NKD1: variants seen among roughly 807,000 people sequenced by gnomAD.
The protein encoded by NKD1 is protein naked cuticle homolog 1.
Under a neutral mutation model 56.0 loss-of-function variants are expected in NKD1, and 21 were observed. The ratio of observed to expected loss-of-function variants is 0.38; its 90% CI spans 0.27 to 0.54. NKD1 has a LOEUF of 0.54. NKD1 is among the 20% of genes least tolerant of loss of function. The probability of loss-of-function intolerance (pLI) is 0.82; values close to 1 mark genes in which losing one functional copy is unlikely to be tolerated. For missense variants in NKD1, 578 were observed against 642.7 expected (o/e 0.90, Z 1.09); for synonymous variants, 263 against 265.7 (o/e 0.99, Z 0.10).
At position 50,635,387 on chromosome 16, in the gene NKD1, T is replaced by A. The variant is rs1200349400; in HGVS notation, c.*1606T>A. On this transcript the variant is annotated 3_prime_UTR_variant, in exon 10 of 10. Coordinates refer to ENST00000268459, the MANE Select transcript of NKD1 (RefSeq NM_033119.5). The surrounding 1 kb of genome is among the most constrained non-coding windows in gnomAD (Gnocchi z 4.1). ...GGCCAAGGGAGCTTGTTGATGTGGG[T>A]CACACGGGCATGTTCCCAGGTCAGA... is the stretch of plus-strand genomic sequence containing the variant. 2 of 152,174 alleles carry A rather than the reference T, an allele frequency of 1.3e-5. No individual in the cohort carries two copies. The highest frequency in any genetic ancestry group is 4.8e-5 in the African/African-American group (2 of 41,410). 9.4% of individuals were successfully genotyped at this position (152,174 alleles called of 1,614,324 possible). A position where few individuals can be genotyped will look rare whatever the true frequency, so the allele number is the denominator to read the frequency against.
Position 50,548,712 on chromosome 16 carries a change from T to C in NKD1, c.26-5T>C, listed in dbSNP as rs1960296607. On this transcript the variant is annotated splice_polypyrimidine_tract_variant and splice_region_variant and intron_variant, in intron 1 of 9. Transcript: ENST00000268459. ...CGCCGCCGCCGCCTCGCGATGTGCC[T>C]GCAGCCGCCGTGTGCAAGCGCAGGG... 6.9e-7 allele frequency: 1 copy of C among 1,459,820 alleles called. No individual in the cohort carries two copies. The highest frequency in any genetic ancestry group is 1.5e-5 in the African/African-American group (1 of 67,278). The allele number at this position is 1,459,820 out of a possible 1,614,324, so 90.4% of individuals were successfully genotyped here. A position where few individuals can be genotyped will look rare whatever the true frequency, so the allele number is the denominator to read the frequency against.
rs115133241 is a variant in NKD1 at position 50,633,267 on chromosome 16, C to A, written c.899C>A (p.Pro300Gln). The change falls in exon 10 of 10, where the codon CCG becomes CAG. Residue 300 changes from proline (P) to glutamine (Q), a missense_variant. Pro to Gln is a moderately conservative substitution (Grantham distance 76, BLOSUM62 -1). Coordinates refer to ENST00000268459, the MANE Select transcript of NKD1 (RefSeq NM_033119.5). The surrounding 1 kb of genome is among the most constrained non-coding windows in gnomAD (Gnocchi z 4.9). ...SNPTRSRSHE[P>Q]EAIHIPHRKP... is the part of the protein sequence containing the mutation. ...CCCACTCGATCTCGCTCCCATGAGCCGGAAGCCATCCACATCCCACACCGA... is the reference window on the plus strand; with the variant it reads ...CCCACTCGATCTCGCTCCCATGAGCAGGAAGCCATCCACATCCCACACCGA... 1 of 1,614,158 alleles carries A rather than the reference C, an allele frequency of 6.2e-7. No homozygotes were observed. Among genetic ancestry groups the A allele is most frequent in the East Asian group, 2.2e-5 (1 of 44,886 alleles).
Position 50,641,228 on chromosome 16 carries a change from G to C in NKD1, c.*7447G>C, listed in dbSNP as rs1277979872. The C allele has an allele frequency of 6.6e-6, 1 of 152,272 alleles. No individual in the cohort carries two copies. Among genetic ancestry groups the C allele is most frequent in the Non-Finnish European group, 1.5e-5 (1 of 68,124 alleles). 9.4% of individuals were successfully genotyped at this position (152,272 alleles called of 1,614,324 possible). On this transcript the variant is annotated 3_prime_UTR_variant, in exon 10 of 10. Coordinates refer to ENST00000268459, the MANE Select transcript of NKD1 (RefSeq NM_033119.5). The stretch of plus-strand genomic sequence containing the variant: ...TGTCATGGCCAGTTCAATGGTCGGG[G>C]CTGAACTATGTCTCTTGGTGCCTGG...
chr16:50,595,595 T>C (rs910397624), intron 3 of NKD1, among the ~76,000 whole-genome samples: 1 of 152,108 alleles, frequency 6.6e-6, no homozygotes, highest in African/African-American at 2.4e-5. Flanking sequence ...TACCACTCTC[T>C]TGCCTCCCCT....
chr16:50,578,433 C>T (rs938786654), intron 3 of NKD1, among the ~76,000 whole-genome samples: 1 of 152,152 alleles, frequency 6.6e-6, no homozygotes, highest in Admixed American at 6.5e-5. Context: ...CAGCTTGAGT[C>T]GTTGTTCCCT....
Position 50,647,169 on chromosome 16 carries a change from T to A in NKD1, c.*13388T>A, listed in dbSNP as rs1962697041. 1 of 152,228 alleles carries A rather than the reference T, an allele frequency of 6.6e-6. No homozygotes were observed. The highest frequency in any genetic ancestry group is 2.4e-5 in the African/African-American group (1 of 41,448). The allele number at this position is 152,228 out of a possible 1,614,324, so 9.4% of individuals were successfully genotyped here. On this transcript the variant is annotated 3_prime_UTR_variant, in exon 10 of 10. Transcript: ENST00000268459. ...GTGGTCTCTGTAGTTGACCCCATCA[T>A]CCTTTCTGTCCATAGGTGATTCGTC...
rs1962317947 is a variant in NKD1 at position 50,630,394 on chromosome 16, C to A, written c.610+61C>A. On this transcript the variant is annotated intron_variant, in intron 7 of 9. Coordinates refer to ENST00000268459, the MANE Select transcript of NKD1 (RefSeq NM_033119.5). ...CCTCCCATCTCAGGAAGGAACAGAG[C>A]CTTCCTGGGAGGGCCGGAAGGGAAC... is the stretch of plus-strand genomic sequence containing the variant. 2.5e-6 allele frequency: 4 copies of A among 1,585,406 alleles called. No individual in the cohort carries two copies. In the South Asian group the frequency reaches 4.5e-5, roughly 18 times the overall value.
intron 3 of NKD1, among the ~76,000 whole-genome samples, chr16:50,594,818 C>T (rs998720418): frequency 2.6e-5 from 4 of 151,068 alleles, no homozygotes; most frequent in African/African-American, 7.3e-5. Context: ...CACACAGACC[C>T]GGGGGGATCT....
chr16:50,625,716 T>G, intron 6 of NKD1, 136 bp downstream of exon 6: 1 of 638,568 alleles, frequency 1.6e-6, no homozygotes, highest in South Asian at 1.8e-5. Context: ...GCCAGGGAGT[T>G]GCTGGGAGCT....
intron 3 of NKD1, chr16:50,552,100 A>T (rs528185846): frequency 6.6e-6 from 1 of 152,354 alleles, no homozygotes; most frequent in Non-Finnish European, 1.5e-5. Context: ...TTTTGGGGCT[A>T]GTCTCTGCCT....
intron 3 of NKD1, among the ~76,000 whole-genome samples, chr16:50,584,452 G>T (rs1202913243): frequency 6.6e-6 from 1 of 152,184 alleles, no homozygotes; most frequent in African/African-American, 2.4e-5. Flanking sequence ...TTGGTTGAAG[G>T]GTCTTTTCCC....
chr16:50,600,968 C>T (rs1429711900), intron 3 of NKD1, among the ~76,000 whole-genome samples: 1 of 152,188 alleles, frequency 6.6e-6, no homozygotes, highest in African/African-American at 2.4e-5. Flanking sequence ...AGGAGCATGT[C>T]GATTGCATCT....
intron 3 of NKD1, among the ~76,000 whole-genome samples, chr16:50,550,452 G>A (rs1017524875): frequency 6.6e-6 from 1 of 151,856 alleles, no homozygotes; most frequent in Non-Finnish European, 1.5e-5. Context: ...GGCCAGTGGA[G>A]ACTTCAGATG....
chr16:50,629,757 C>A (rs1406632352), intron 6 of NKD1, among the ~76,000 whole-genome samples: 1 of 152,106 alleles, frequency 6.6e-6, no homozygotes, highest in Admixed American at 6.5e-5. Context: ...GAGTGAGACC[C>A]CCATCTCAAA....
rs778050747 is a variant in NKD1 at position 50,608,287 on chromosome 16, CTTG to C, written c.193-5_193-3del. The C allele has an allele frequency of 1.2e-6, 2 of 1,609,940 alleles. No homozygotes were observed. The highest frequency in any genetic ancestry group is 1.6e-4 in the Middle Eastern group (1 of 6,078). ...CTGCTCAATGCCTCTGCTCTGTCTT[CTTG>C]TAGGAGCTCGTGGGCGACGTGTTGA... On this transcript the variant is annotated splice_region_variant and splice_polypyrimidine_tract_variant and intron_variant, in intron 3 of 9. Coordinates refer to ENST00000268459, the MANE Select transcript of NKD1 (RefSeq NM_033119.5).
chr16:50,590,662 T>G (rs1961345775), intron 3 of NKD1, among the ~76,000 whole-genome samples: 1 of 152,214 alleles, frequency 6.6e-6, no homozygotes. Flanking sequence ...AAGAAGTTTA[T>G]TAGTTTGCCC....
intron 3 of NKD1, among the ~76,000 whole-genome samples, chr16:50,600,940 G>A (rs1961582408): frequency 6.6e-6 from 1 of 152,236 alleles, no homozygotes; most frequent in Non-Finnish European, 1.5e-5. Context: ...GGGAGCTGAA[G>A]GCCGGGGATC....
At chr16:50,548,939 C>G (rs1259126344) in intron 2 of NKD1, 190 bp downstream of exon 2, 2 of 956,266 alleles carry the variant, frequency 2.1e-6, no homozygotes, top group South Asian at 4.8e-5. Context: ...CCGCTCCCCG[C>G]GGTCCTGCGC....
In NKD1 at chr16:50,554,489, G is replaced by T. The variant is rs531972597; in HGVS notation, c.192+4934G>T. On this transcript the variant is annotated intron_variant, in intron 3 of 9. Transcript: ENST00000268459. ...CCTTTTTCCCCAGCTCCTCTTCCCT[G>T]GTCAGCTTCTTTCCTTTAATTCCTG... Among the ~76,000 whole-genome samples the T allele has an allele frequency of 5.9e-5, 9 of 152,164 alleles. No individual in the cohort carries two copies. In the East Asian group the frequency reaches 1.7e-3, roughly 29 times the overall value.
Sources: allele counts gnomAD v4.1 joint callset (sites outside exome capture counted in the v4.1 genomes callset), GRCh38; gene constraint gnomAD v4.1.1; non-coding constraint Gnocchi (gnomAD v3.1); transcripts MANE v1.5; gene names NCBI Gene and HGNC (gene_info 2026-07-23, HGNC 2026-07-21).